DACH2: variants seen among roughly 807,000 people sequenced by gnomAD.
The protein encoded by DACH2 is dachshund family transcription factor 2, also known as dachshund homolog 2.
A neutral mutation model predicts 35.8 loss-of-function variants in DACH2; 17 were observed. That is an observed-to-expected ratio of 0.48 (90% CI 0.33 to 0.71). DACH2 has a LOEUF of 0.71. Ranked by LOEUF, DACH2 falls within the 30% of genes least tolerant of loss-of-function variation. The pLI is 0.02. For missense variants in DACH2, 469 were observed against 472.7 expected (o/e 0.99, Z 0.07); for synonymous variants, 195 against 177.3 (o/e 1.10, Z -0.79).
intron 3 of DACH2, among the ~76,000 whole-genome samples, chrX:86,585,960 CTGTTT>C (rs1262706258): frequency 9.0e-6 from 1 of 111,576 alleles, no homozygotes; most frequent in Non-Finnish European, 1.9e-5. Flanking sequence ...AATGGTAATT[CTGTTT>C]TAAGTTCTTT....
intron 6 of DACH2, among the ~76,000 whole-genome samples, chrX:86,731,919 T>C (rs897092183): frequency 1.8e-5 from 2 of 112,362 alleles, no homozygotes; most frequent in Admixed American, 9.5e-5. Flanking sequence ...GCATAGGATA[T>C]ATCTACTATA....
rs754396217 is a variant in DACH2 at position 86,812,843 on chromosome X, T to G, written c.1241-13T>G. Reference sequence around the variant, plus strand: ...AATCTGTGAACCTTCTGATACTAATTTTGTTTTTGCAGAAGAGGTACCAGT... The same window carrying G: ...AATCTGTGAACCTTCTGATACTAATGTTGTTTTTGCAGAAGAGGTACCAGT... On this transcript the variant is annotated splice_polypyrimidine_tract_variant and intron_variant, in intron 7 of 11. Coordinates refer to ENST00000373125, the MANE Select transcript of DACH2 (RefSeq NM_053281.3). The G allele has an allele frequency of 3.4e-6, 4 of 1,174,038 alleles. No individual in the cohort carries two copies. Among genetic ancestry groups the G allele is most frequent in the Non-Finnish European group, 3.4e-6 (3 of 876,720 alleles).
intron 3 of DACH2, among the ~76,000 whole-genome samples, chrX:86,647,152 A>ACCAT (rs1199871876): frequency 4.5e-5 from 5 of 110,356 alleles, no homozygotes; most frequent in African/African-American, 1.6e-4. Flanking sequence ...GAACTATCAT[A>ACCAT]CCATCCAACG....
intron 7 of DACH2, among the ~76,000 whole-genome samples, chrX:86,808,733 G>T (rs186997855): frequency 9.1e-6 from 1 of 110,237 alleles, no homozygotes; most frequent in Admixed American, 9.7e-5. Context: ...ACTTGATAAC[G>T]AATAAAACTG....
At chrX:86,472,215 G>T (rs1240269538) in intron 2 of DACH2, among the ~76,000 whole-genome samples, 1 of 111,574 alleles carries the variant, frequency 9.0e-6, no homozygotes, top group Non-Finnish European at 1.9e-5. Context: ...TTGGCCCTTT[G>T]TAATCACAAA....
chrX:86,584,718 CA>C (rs1194039979), intron 3 of DACH2, among the ~76,000 whole-genome samples: 1 of 110,584 alleles, frequency 9.0e-6, no homozygotes, highest in East Asian at 2.9e-4. Flanking sequence ...ATTTTAGATT[CA>C]GGGGATATTG....
At chrX:86,650,260 A>G (rs1453736551) in intron 3 of DACH2, among the ~76,000 whole-genome samples, 6 of 92,141 alleles carry the variant, frequency 6.5e-5, no homozygotes, top group African/African-American at 2.2e-4. Context: ...AAAGATTATA[A>G]CTATACTACA....
intron 2 of DACH2, among the ~76,000 whole-genome samples, chrX:86,464,807 CA>C (rs2037637980): frequency 8.9e-6 from 1 of 111,787 alleles, no homozygotes; most frequent in Admixed American, 9.5e-5. Flanking sequence ...AAGACTTACA[CA>C]GAAGAAAAAT....
chrX:86,336,049 G>A (rs779862856), intron 1 of DACH2, among the ~76,000 whole-genome samples: 11 of 111,984 alleles, frequency 9.8e-5, no homozygotes, highest in Non-Finnish European at 1.7e-4. Context: ...GATAGATTAC[G>A]TTTATTGGTT....
chrX:86,663,541 A>G (rs888000177), intron 4 of DACH2, among the ~76,000 whole-genome samples: 1 of 111,736 alleles, frequency 8.9e-6, no homozygotes, highest in Admixed American at 9.5e-5. Context: ...AATTCCCTGG[A>G]TAGAGATTTT....
At chrX:86,528,436 C>T (rs2038665214) in intron 3 of DACH2, among the ~76,000 whole-genome samples, 2 of 111,383 alleles carry the variant, frequency 1.8e-5, no homozygotes, top group Non-Finnish European at 3.8e-5. Context: ...ACTTTTTGGA[C>T]TTAGGGTACT....
At chrX:86,407,298 T>C in intron 2 of DACH2, among the ~76,000 whole-genome samples, 1 of 112,155 alleles carries the variant, frequency 8.9e-6, no homozygotes, top group East Asian at 2.8e-4. Context: ...TTCATTTTCT[T>C]ATTTATAGAA....
At chrX:86,620,234 A>T (rs1377238633) in intron 3 of DACH2, among the ~76,000 whole-genome samples, 13 of 111,672 alleles carry the variant, frequency 1.2e-4, no homozygotes, top group Non-Finnish European at 1.9e-5. Flanking sequence ...CATAACTTTT[A>T]AAGTGGAGAA....
chrX:86,475,713 G>A (rs1331164503), intron 2 of DACH2, among the ~76,000 whole-genome samples: 1 of 111,564 alleles, frequency 9.0e-6, no homozygotes, highest in African/African-American at 3.3e-5. Flanking sequence ...AGAACTTCTG[G>A]TATGATGTTG....
At chrX:86,507,355 A>G (rs1271006841) in intron 2 of DACH2, among the ~76,000 whole-genome samples, 1 of 106,813 alleles carries the variant, frequency 9.4e-6, no homozygotes, top group East Asian at 3.1e-4. Flanking sequence ...GGAAAACATT[A>G]TTTTGGCTAG....
chrX:86,254,256 T>A (rs934690877), intron 1 of DACH2, among the ~76,000 whole-genome samples: 5 of 111,919 alleles, frequency 4.5e-5, no homozygotes, highest in African/African-American at 6.5e-5. Context: ...CCTACAGAGA[T>A]GTAACAGTGT....
intron 1 of DACH2, among the ~76,000 whole-genome samples, chrX:86,171,786 G>A (rs907145856): frequency 8.9e-5 from 10 of 111,852 alleles, no homozygotes; most frequent in African/African-American, 3.2e-4. Flanking sequence ...GTCTCTTTCA[G>A]TGATATGAAG....
intron 3 of DACH2, among the ~76,000 whole-genome samples, chrX:86,592,224 G>T (rs181754282): frequency 2.3e-4 from 26 of 111,464 alleles, no homozygotes; most frequent in African/African-American, 8.1e-4. Context: ...TCTGTATCTA[G>T]ATTCATTTTT....
chrX:86,183,343 T>C (rs1361674202), intron 1 of DACH2, among the ~76,000 whole-genome samples: 5 of 112,184 alleles, frequency 4.5e-5, no homozygotes, highest in Non-Finnish European at 9.4e-5. Context: ...TATTTTGAGA[T>C]ACGTTGTGAA....
Sources: allele counts gnomAD v4.1 joint callset (sites outside exome capture counted in the v4.1 genomes callset), GRCh38; gene constraint gnomAD v4.1.1; transcripts MANE v1.5; gene names NCBI Gene and HGNC (gene_info 2026-07-23, HGNC 2026-07-21).